The following NSMCE2 variants were observed in gnomAD, a reference collection of about 807,000 sequenced individuals.
NSMCE2 encodes the protein E3 SUMO-protein ligase NSE2.
A neutral mutation model predicts 23.8 loss-of-function variants in NSMCE2; 24 were observed. The ratio of observed to expected loss-of-function variants is 1.01; its 90% CI spans 0.73 to 1.42. The LOEUF (loss-of-function observed/expected upper bound fraction) is 1.42, where lower values mean the gene tolerates loss of function less well. Among genes scored for constraint, NSMCE2 ranks in the 40% most tolerant of loss-of-function variants. The pLI is 0.00. For missense variants in NSMCE2, 284 were observed against 296.5 expected, an observed-to-expected ratio of 0.96 and a Z score of 0.31; for synonymous variants, 92 against 94.1, an observed-to-expected ratio of 0.98 and a Z score of 0.13.
intron 3 of NSMCE2, among the ~76,000 whole-genome samples, chr8:125,125,857 A>G (rs1819492583): frequency 6.6e-6 from 1 of 152,166 alleles, no homozygotes; most frequent in Non-Finnish European, 1.5e-5. Flanking sequence ...CTCTGTCCCA[A>G]GTCCTACATT....
intron 5 of NSMCE2, among the ~76,000 whole-genome samples, chr8:125,240,972 C>T (rs1316111788): frequency 6.6e-6 from 1 of 152,166 alleles, no homozygotes; most frequent in Non-Finnish European, 1.5e-5. Flanking sequence ...CTTCCATGGT[C>T]ACTGGTGGTA....
At chr8:125,203,090 C>T (rs1255361390) in intron 5 of NSMCE2, among the ~76,000 whole-genome samples, 1 of 151,922 alleles carries the variant, frequency 6.6e-6, no homozygotes, top group Admixed American at 6.6e-5. Flanking sequence ...ACTATGTACT[C>T]TGTGGGCCTT....
intron 5 of NSMCE2, among the ~76,000 whole-genome samples, chr8:125,316,186 A>T (rs7004468): frequency 1.1e-4 from 17 of 152,258 alleles, no homozygotes; most frequent in African/African-American, 3.6e-4. Flanking sequence ...CTTCTTTTTC[A>T]ATTCTAGTCT....
intron 3 of NSMCE2, among the ~76,000 whole-genome samples, chr8:125,150,928 C>T (rs1350376903): frequency 6.6e-6 from 1 of 152,148 alleles, no homozygotes; most frequent in African/African-American, 2.4e-5. Flanking sequence ...TTCCAACCTA[C>T]CACTGCCTTT....
intron 5 of NSMCE2, among the ~76,000 whole-genome samples, chr8:125,272,014 C>CTTTTTTTTT (rs563967898): frequency 7.7e-6 from 1 of 130,184 alleles, no homozygotes; most frequent in Non-Finnish European, 1.6e-5. Flanking sequence ...CAGTTTCTTT[C>CTTTTTTTTT]TTTTTTTTTT....
chr8:125,198,512 C>T lies in NSMCE2; in HGVS notation c.418+16256C>T, dbSNP rs547992197. Among the ~76,000 whole-genome samples the T allele has an allele frequency of 2.6e-5, 4 of 152,294 alleles. No homozygotes were observed. In the East Asian group the frequency reaches 7.7e-4, roughly 29 times the overall value. On this transcript the variant is annotated intron_variant, in intron 5 of 7. Transcript: ENST00000287437. ...CATTTATTGATTTGCGTGTGTTGAA[C>T]CAGCCTTGCATCCCAGGGATGAAGC...
At chr8:125,245,621 A>G (rs1324945345) in intron 5 of NSMCE2, among the ~76,000 whole-genome samples, 1 of 152,208 alleles carries the variant, frequency 6.6e-6, no homozygotes, top group Non-Finnish European at 1.5e-5. Flanking sequence ...AATACTAAGG[A>G]TAGAAAAATG....
At chr8:125,142,182 T>C (rs1367918949) in intron 3 of NSMCE2, among the ~76,000 whole-genome samples, 1 of 152,216 alleles carries the variant, frequency 6.6e-6, no homozygotes, top group Non-Finnish European at 1.5e-5. Context: ...GTGCTTACTG[T>C]GAGCCAGGCC....
intron 5 of NSMCE2, among the ~76,000 whole-genome samples, chr8:125,269,579 G>T (rs933569372): frequency 1.3e-5 from 2 of 152,004 alleles, no homozygotes; most frequent in African/African-American, 4.8e-5. Context: ...TTACAGCAGG[G>T]GTCTGATGAA....
At chr8:125,132,947 ACTCT>A (rs1819848211) in intron 3 of NSMCE2, among the ~76,000 whole-genome samples, 1 of 152,174 alleles carries the variant, frequency 6.6e-6, no homozygotes, top group African/African-American at 2.4e-5. Flanking sequence ...ATCTCATCTA[ACTCT>A]CTCTTAAAAG....
At chr8:125,263,440 A>G (rs1826783857) in intron 5 of NSMCE2, among the ~76,000 whole-genome samples, 1 of 152,120 alleles carries the variant, frequency 6.6e-6, no homozygotes, top group South Asian at 2.1e-4. Context: ...TAGGTTTACC[A>G]TGTTCATGCT....
At chr8:125,102,567 G>A (rs1818249025) in intron 3 of NSMCE2, 80 bp downstream of exon 3, 1 of 1,121,318 alleles carries the variant, frequency 8.9e-7, no homozygotes, top group East Asian at 2.4e-5. Flanking sequence ...TGCCTTTTGA[G>A]TATCCTTGGG....
intron 3 of NSMCE2, among the ~76,000 whole-genome samples, chr8:125,136,196 TA>T (rs1479140316): frequency 6.6e-6 from 1 of 152,114 alleles, no homozygotes; most frequent in Non-Finnish European, 1.5e-5. Context: ...AGGTTTTTGA[TA>T]AACAGGAGAG....
chr8:125,147,315 T>C (rs547435962), intron 3 of NSMCE2, among the ~76,000 whole-genome samples: 1 of 152,248 alleles, frequency 6.6e-6, no homozygotes, highest in Admixed American at 6.5e-5. Flanking sequence ...AGTGAAAGTT[T>C]AATTTTCAGA....
chr8:125,197,932 T>C (rs1563713722), intron 5 of NSMCE2, among the ~76,000 whole-genome samples: 1 of 152,164 alleles, frequency 6.6e-6, no homozygotes. Context: ...GATTCCTAGG[T>C]ATTTTATTCT....
intron 3 of NSMCE2, among the ~76,000 whole-genome samples, chr8:125,147,877 A>C (rs1398398379): frequency 1.3e-5 from 2 of 152,168 alleles, no homozygotes; most frequent in Admixed American, 1.3e-4. Flanking sequence ...AATCCTCTTA[A>C]AATTGCTGTG....
intron 5 of NSMCE2, among the ~76,000 whole-genome samples, chr8:125,261,509 C>G (rs1413523076): frequency 7.0e-6 from 1 of 143,440 alleles, no homozygotes; most frequent in Non-Finnish European, 1.5e-5. Flanking sequence ...GAACTAAATT[C>G]TCTCATTGGA....
chr8:125,218,451 G>A (rs535107987), intron 5 of NSMCE2, among the ~76,000 whole-genome samples: 7 of 147,306 alleles, frequency 4.8e-5, no homozygotes, highest in South Asian at 2.1e-4. Flanking sequence ...TTGCTCTGTC[G>A]CTCAGACTGG....
chr8:125,292,962 C>T (rs1828170603), intron 5 of NSMCE2, among the ~76,000 whole-genome samples: 1 of 152,132 alleles, frequency 6.6e-6, no homozygotes, highest in Non-Finnish European at 1.5e-5. Context: ...CAGTATTTCC[C>T]AACTAAGAAT....
Sources: gnomAD v4.1 joint callset for allele counts (sites outside exome capture counted in the v4.1 genomes callset) on GRCh38, gnomAD v4.1.1 for gene constraint, MANE v1.5 for transcripts, NCBI Gene and HGNC (gene_info 2026-07-23, HGNC 2026-07-21) for gene names.